The following FREM1 variants were observed in gnomAD, a reference collection of about 807,000 sequenced individuals.
The protein encoded by FREM1 is FRAS1 related extracellular matrix 1.
A neutral mutation model predicts 210.1 loss-of-function variants in FREM1; 220 were observed. The observed-to-expected ratio is 1.05, with a 90% CI of 0.94 to 1.17. The LOEUF is 1.17. Among genes scored for constraint, FREM1 ranks in the 50% most tolerant of loss-of-function variants. FREM1 has a pLI of 0.00. For missense variants in FREM1, 3,454 were observed against 2,675.5 expected (o/e 1.29, Z -6.42); for synonymous variants, 1,189 against 980.2 (o/e 1.21, Z -3.98).
chr9:14,776,658 C>T (rs1848636954), intron 24 of FREM1, among the ~76,000 whole-genome samples: 1 of 152,206 alleles, frequency 6.6e-6, no homozygotes, highest in African/African-American at 2.4e-5. Flanking sequence ...GAGGCCAATA[C>T]AATAAAGTGC....
chr9:14,832,663 G>C (rs974894699), intron 10 of FREM1, among the ~76,000 whole-genome samples: 1 of 152,088 alleles, frequency 6.6e-6, no homozygotes, highest in Non-Finnish European at 1.5e-5. Flanking sequence ...ATGTAGAGTT[G>C]AGCTAGCGGG....
chr9:14,872,259 A>G (rs541186119), intron 1 of FREM1, among the ~76,000 whole-genome samples: 197 of 152,208 alleles, frequency 1.3e-3, no homozygotes, highest in Non-Finnish European at 1.8e-3. Flanking sequence ...TACCTTGGGC[A>G]GTATGGCCAT....
chr9:14,843,754 T>C (rs1826105135), intron 8 of FREM1, among the ~76,000 whole-genome samples: 1 of 151,418 alleles, frequency 6.6e-6, no homozygotes, highest in African/African-American at 2.4e-5. Context: ...ATCTGGAAAG[T>C]TTTAGAAATG....
At chr9:14,808,476 T>C (rs755239156) in intron 16 of FREM1, among the ~76,000 whole-genome samples, 1 of 152,192 alleles carries the variant, frequency 6.6e-6, no homozygotes, top group Non-Finnish European at 1.5e-5. Context: ...AATCATTTCA[T>C]GTTATGACCA....
At chr9:14,852,841 G>A (rs1828024693) in intron 5 of FREM1, among the ~76,000 whole-genome samples, 1 of 152,212 alleles carries the variant, frequency 6.6e-6, no homozygotes, top group South Asian at 2.1e-4. Context: ...TGTAATCTGT[G>A]TATAACAGAA....
intron 2 of FREM1, among the ~76,000 whole-genome samples, chr9:14,864,676 C>T (rs1477659624): frequency 6.6e-6 from 1 of 152,194 alleles, no homozygotes; most frequent in Admixed American, 6.5e-5. Flanking sequence ...CCATATCATG[C>T]CCTTCATTCT....
chr9:14,839,080 C>A (rs1436401413), intron 10 of FREM1, among the ~76,000 whole-genome samples: 1 of 152,096 alleles, frequency 6.6e-6, no homozygotes, highest in Non-Finnish European at 1.5e-5. Flanking sequence ...TTTATCGCAA[C>A]TATAAGGATT....
chr9:14,810,413 G>C (rs1197970475), intron 16 of FREM1, among the ~76,000 whole-genome samples: 2 of 152,208 alleles, frequency 1.3e-5, no homozygotes, highest in South Asian at 2.1e-4. Context: ...ATAGCCTAAG[G>C]ACATGATTGG....
chr9:14,769,476 G>C (rs1048884198), intron 27 of FREM1, among the ~76,000 whole-genome samples: 2 of 152,108 alleles, frequency 1.3e-5, no homozygotes, highest in South Asian at 2.1e-4. Flanking sequence ...TGTGTACCTT[G>C]ACATGCATAA....
chr9:14,827,320 T>C (rs981820520), intron 10 of FREM1, among the ~76,000 whole-genome samples: 1 of 152,216 alleles, frequency 6.6e-6, no homozygotes, highest in African/African-American at 2.4e-5. Context: ...GATCTTCCTG[T>C]TATAAAGTGG....
chr9:14,746,431 TG>T lies in FREM1; in HGVS notation c.6175del (p.Gln2059SerfsTer9). The stretch of plus-strand genomic sequence containing the variant: ...CAAGATGTGACAGTAGCCTGAGTGC[TG>T]GTGCCACCCGGCTGGACAGGATTTG... The part of the protein sequence containing the change: ...EDKSCPAGWH[Q>X]HSGYCHILIT... On this transcript the variant is annotated frameshift_variant, in exon 35 of 37. Coordinates refer to ENST00000380880, the MANE Select transcript of FREM1 (RefSeq NM_001379081.2). LOFTEE classifies it high-confidence loss of function. 6.2e-7 allele frequency: 1 copy of T among 1,613,766 alleles called. No individual in the cohort carries two copies. Among genetic ancestry groups the T allele is most frequent in the Middle Eastern group, 1.7e-4 (1 of 6,054 alleles).
In FREM1 at chr9:14,840,133, T is replaced by C. The variant is rs534017708; in HGVS notation, c.1881+1314A>G. ...ATACTCTTCTTAGCACACAGATGAA[T>C]AGCTCAATCATCTATGCATTAGCTA... On this transcript the variant is annotated intron_variant, in intron 10 of 36. Coordinates refer to ENST00000380880, the MANE Select transcript of FREM1 (RefSeq NM_001379081.2). 4.6e-5 allele frequency among the ~76,000 whole-genome samples: 7 copies of C among 152,330 alleles called. No homozygotes were observed. In the East Asian group the frequency reaches 1.4e-3, roughly 29 times the overall value.
At chr9:14,899,608 G>C (rs941545201) in intron 1 of FREM1, among the ~76,000 whole-genome samples, 1 of 152,172 alleles carries the variant, frequency 6.6e-6, no homozygotes, top group Non-Finnish European at 1.5e-5. Context: ...CAGTAAGTCA[G>C]AGAAACATTT....
At chr9:14,779,396 A>G in intron 24 of FREM1, 2 of 585,282 alleles carry the variant, frequency 3.4e-6, no homozygotes, top group Non-Finnish European at 2.2e-6. Context: ...GTCAAATATC[A>G]GCAGAGAAGG....
chr9:14,895,969 G>A (rs539977657), intron 1 of FREM1, among the ~76,000 whole-genome samples: 3 of 152,164 alleles, frequency 2.0e-5, no homozygotes, highest in Non-Finnish European at 2.9e-5. Flanking sequence ...AACTTGAATA[G>A]GAGCTGGGTA....
At chr9:14,823,436 C>T (rs1023888745) in intron 12 of FREM1, 109 bp from the exon 13 acceptor site, 9 of 867,540 alleles carry the variant, frequency 1.0e-5, no homozygotes, top group Admixed American at 7.5e-5. Context: ...CTGTAAATGC[C>T]ACCATCATCA....
At chr9:14,899,710 T>C (rs10810289) in intron 1 of FREM1, among the ~76,000 whole-genome samples, 46,904 of 152,086 alleles carry the variant, frequency 0.31, 7,411 homozygotes, top group East Asian at 0.43. Flanking sequence ...ATTCAAAATA[T>C]TGGTTTGCAA....
chr9:14,810,225 T>C (rs1340689380), intron 16 of FREM1, among the ~76,000 whole-genome samples: 3 of 152,070 alleles, frequency 2.0e-5, no homozygotes, highest in African/African-American at 7.2e-5. Flanking sequence ...AAAGTCACTC[T>C]AGAAAGAGAA....
intron 21 of FREM1, among the ~76,000 whole-genome samples, chr9:14,796,643 C>A (rs1412255853): frequency 1.3e-5 from 2 of 152,118 alleles, no homozygotes; most frequent in African/African-American, 4.8e-5. Flanking sequence ...TTTCCCCCAT[C>A]CTGTTCTCGT....
Sources: gnomAD v4.1 joint callset for allele counts (sites outside exome capture counted in the v4.1 genomes callset) on GRCh38, gnomAD v4.1.1 for gene constraint, MANE v1.5 for transcripts, NCBI Gene and HGNC (gene_info 2026-07-23, HGNC 2026-07-21) for gene names.